MGAT4A: variants seen among roughly 807,000 people sequenced by gnomAD.
MGAT4A encodes alpha-1,3-mannosyl-glycoprotein 4-beta-N-acetylglucosaminyltransferase A.
In MGAT4A, 33 loss-of-function variants were observed where a neutral mutation model predicts 74.1. The observed-to-expected ratio is 0.45, with a 90% confidence interval of 0.34 to 0.60. MGAT4A has a LOEUF of 0.60. Among genes scored for constraint, MGAT4A ranks in the 20% least tolerant of loss-of-function variants. MGAT4A has a pLI of 0.02. For missense variants in MGAT4A, 479 were observed against 628.3 expected (o/e 0.76, Z 2.54); for synonymous variants, 198 against 210.4 (o/e 0.94, Z 0.51).
rs950685149 is a variant in MGAT4A at position 98,684,958 on chromosome 2, C to G, written c.95-6487G>C. ...AAAAATGTTGATAAGTCCTCTGGGC[C>G]GGGCATGGTGGCTCACACCTGAAAT... On this transcript the variant is annotated intron_variant, in intron 2 of 15. Coordinates refer to ENST00000393487, the MANE Select transcript of MGAT4A (RefSeq NM_012214.3). Among the ~76,000 whole-genome samples, 3 of 151,996 alleles carry G rather than the reference C, an allele frequency of 2.0e-5. No individual in the cohort carries two copies. In the East Asian group the frequency reaches 5.8e-4, roughly 29 times the overall value.
chr2:98,680,557 T>C (rs1379368594), intron 2 of MGAT4A, among the ~76,000 whole-genome samples: 2 of 152,106 alleles, frequency 1.3e-5, no homozygotes, highest in East Asian at 3.9e-4. Flanking sequence ...CTTCACTACA[T>C]GGAATAACAA....
At chr2:98,719,194 G>A (rs1191756777) in intron 2 of MGAT4A, among the ~76,000 whole-genome samples, 1 of 152,112 alleles carries the variant, frequency 6.6e-6, no homozygotes, top group Non-Finnish European at 1.5e-5. Flanking sequence ...ATCGGACACT[G>A]ACCTTAGAAA....
At chr2:98,634,844 T>C (rs1293811914) in intron 14 of MGAT4A, among the ~76,000 whole-genome samples, 2 of 151,372 alleles carry the variant, frequency 1.3e-5, no homozygotes, top group African/African-American at 4.9e-5. Flanking sequence ...GCTATGTCAG[T>C]GGACATCTCA....
chr2:98,624,705 T>C lies in MGAT4A; in HGVS notation c.*861A>G, dbSNP rs1701118300. 1 of 983,042 alleles carries C rather than the reference T, an allele frequency of 1.0e-6. No individual in the cohort carries two copies. 60.9% of individuals were successfully genotyped at this position (983,042 alleles called of 1,614,324 possible). A position where few individuals can be genotyped will look rare whatever the true frequency, so the allele number is the denominator to read the frequency against. ...AAAGAAGAGTTTGTCATTTTACATATCAGAGGAAATATAATAAGTTAAGTC... is the reference window on the plus strand; with the variant it reads ...AAAGAAGAGTTTGTCATTTTACATACCAGAGGAAATATAATAAGTTAAGTC... On this transcript the variant is annotated 3_prime_UTR_variant, in exon 16 of 16. Transcript: ENST00000393487.
intron 2 of MGAT4A, among the ~76,000 whole-genome samples, chr2:98,723,764 T>C (rs1702720041): frequency 1.3e-5 from 2 of 152,204 alleles, no homozygotes; most frequent in African/African-American, 4.8e-5. Flanking sequence ...TTCACATTCA[T>C]CCTTCATATT....
At chr2:98,721,048 A>C (rs1333745175) in intron 2 of MGAT4A, among the ~76,000 whole-genome samples, 1 of 152,230 alleles carries the variant, frequency 6.6e-6, no homozygotes, top group African/African-American at 2.4e-5. Context: ...GCAAGAGAAA[A>C]ATGACATTAC....
intron 2 of MGAT4A, among the ~76,000 whole-genome samples, chr2:98,690,043 T>C (rs1319799973): frequency 4.0e-5 from 6 of 150,560 alleles, no homozygotes; most frequent in Non-Finnish European, 8.8e-5. Context: ...CTGCTAACCC[T>C]ATGCAAAGGA....
At chr2:98,685,437 A>G (rs1184251216) in intron 2 of MGAT4A, among the ~76,000 whole-genome samples, 2 of 152,166 alleles carry the variant, frequency 1.3e-5, no homozygotes, top group Non-Finnish European at 2.9e-5. Flanking sequence ...AAGATTTCAC[A>G]TGCATCACTC....
In MGAT4A at chr2:98,680,040, C is replaced by CTTTTTTTT. The variant is rs778595164; in HGVS notation, c.95-1577_95-1570dup. 3.0e-4 allele frequency among the ~76,000 whole-genome samples: 39 copies of CTTTTTTTT among 131,040 alleles called. 3 individuals are homozygous for CTTTTTTTT. Among genetic ancestry groups the CTTTTTTTT allele is most frequent in the Non-Finnish European group, 4.8e-4 (30 of 62,026 alleles). 86.0% of individuals were successfully genotyped at this position (131,040 alleles called of 152,430 possible). A position where few individuals can be genotyped will look rare whatever the true frequency, so the allele number is the denominator to read the frequency against. ...GACACCTAAACAAACCTTAGAAAGG[C>CTTTTTTTT]TTTTTTTTTTTTTTTTCTGAGACAG... On this transcript the variant is annotated intron_variant, in intron 2 of 15. Coordinates refer to ENST00000393487, the MANE Select transcript of MGAT4A (RefSeq NM_012214.3).
intron 2 of MGAT4A, among the ~76,000 whole-genome samples, chr2:98,711,247 T>C (rs1006040158): frequency 7.7e-6 from 1 of 129,688 alleles, no homozygotes; most frequent in African/African-American, 3.1e-5. Flanking sequence ...CTCATTAAAC[T>C]AACAAGTTAA....
chr2:98,684,306 T>A (rs930294925), intron 2 of MGAT4A, among the ~76,000 whole-genome samples: 1 of 152,202 alleles, frequency 6.6e-6, no homozygotes, highest in Non-Finnish European at 1.5e-5. Context: ...GTATGAGGGG[T>A]CATGGTGGGA....
intron 12 of MGAT4A, 28 bp downstream of exon 12, chr2:98,639,780 G>A: frequency 6.4e-7 from 1 of 1,555,804 alleles, no homozygotes; most frequent in South Asian, 1.2e-5. Context: ...CAAATTGTAA[G>A]ATCACATACA....
chr2:98,706,913 G>T (rs1702447177), intron 2 of MGAT4A, among the ~76,000 whole-genome samples: 1 of 149,674 alleles, frequency 6.7e-6, no homozygotes, highest in Non-Finnish European at 1.5e-5. Flanking sequence ...AAAAAGACTA[G>T]AAGTAAATAT....
At chr2:98,688,590 A>G (rs1702157667) in intron 2 of MGAT4A, among the ~76,000 whole-genome samples, 1 of 152,262 alleles carries the variant, frequency 6.6e-6, no homozygotes, top group African/African-American at 2.4e-5. Flanking sequence ...AACTAAACCG[A>G]AAAGCCCATG....
At chr2:98,668,357 G>T (rs576294919) in intron 4 of MGAT4A, among the ~76,000 whole-genome samples, 1 of 152,222 alleles carries the variant, frequency 6.6e-6, no homozygotes, top group Non-Finnish European at 1.5e-5. Flanking sequence ...CCAAGGTACA[G>T]CTCAGGCCAT....
intron 6 of MGAT4A, among the ~76,000 whole-genome samples, chr2:98,657,008 C>T (rs1701670538): frequency 6.6e-6 from 1 of 152,192 alleles, no homozygotes; most frequent in African/African-American, 2.4e-5. Flanking sequence ...GTTGCCACAA[C>T]TGTGATCAGT....
intron 2 of MGAT4A, among the ~76,000 whole-genome samples, chr2:98,701,446 A>C (rs1044455484): frequency 2.0e-4 from 31 of 152,184 alleles, no homozygotes; most frequent in Admixed American, 6.5e-5. Context: ...TTCTGTAATA[A>C]CCCAATGTTC....
chr2:98,635,993 T>A (rs1196569313), intron 13 of MGAT4A, among the ~76,000 whole-genome samples: 1 of 144,304 alleles, frequency 6.9e-6, no homozygotes, highest in East Asian at 2.4e-4. Context: ...CTCAAAAAAA[T>A]AAAATAAAAT....
intron 14 of MGAT4A, among the ~76,000 whole-genome samples, chr2:98,629,124 A>T (rs1488835740): frequency 6.6e-6 from 1 of 152,270 alleles, no homozygotes; most frequent in East Asian, 1.9e-4. Flanking sequence ...CTTAGATCAC[A>T]GACTATTCAA....
Sources: allele counts gnomAD v4.1 joint callset (sites outside exome capture counted in the v4.1 genomes callset), GRCh38; gene constraint gnomAD v4.1.1; transcripts MANE v1.5; gene names NCBI Gene and HGNC (gene_info 2026-07-23, HGNC 2026-07-21).